Variants in CDKL5 observed in about 807,000 individuals in gnomAD.
CDKL5 encodes the protein cyclin-dependent kinase-like 5.
A neutral mutation model predicts 61.7 loss-of-function variants in CDKL5; 8 were observed. The ratio of observed to expected loss-of-function variants is 0.13; its 90% CI spans 0.08 to 0.23. The LOEUF is 0.23. Among genes scored for constraint, CDKL5 ranks in the 10% least tolerant of loss-of-function variants. The pLI, the probability that CDKL5 is intolerant of heterozygous loss-of-function variation, is 1.00. For synonymous variants in CDKL5, 275 were observed against 272.3 expected (o/e 1.01, Z -0.10); for missense variants, 440 against 734.5 (o/e 0.60, Z 4.63).
Position 18,631,703 on chromosome X carries a change from C to T in CDKL5, c.*2946C>T, listed in dbSNP as rs1927241093. ...TCACTGATCTCCTTTGGAAAAGAAA[C>T]TCTGCTTCACTGTTTTTCTACCTTT... On this transcript the variant is annotated 3_prime_UTR_variant, in exon 18 of 18. Transcript: ENST00000623535. 2 of 752,228 alleles carry T rather than the reference C, an allele frequency of 2.7e-6. No individual in the cohort carries two copies. Among genetic ancestry groups the T allele is most frequent in the African/African-American group, 4.6e-5 (2 of 43,365 alleles). The allele number at this position is 752,228 out of a possible 1,213,427, so 62.0% of individuals were successfully genotyped here.
intron 3 of CDKL5, among the ~76,000 whole-genome samples, chrX:18,562,667 C>CAATTA (rs1482851123): frequency 8.9e-6 from 1 of 111,854 alleles, no homozygotes; most frequent in Non-Finnish European, 1.9e-5. Flanking sequence ...AGTATCTTCT[C>CAATTA]TTAATTGCAT....
intron 1 of CDKL5, among the ~76,000 whole-genome samples, chrX:18,496,942 G>A (rs1241471366): frequency 9.1e-6 from 1 of 110,295 alleles, no homozygotes; most frequent in East Asian, 2.8e-4. Flanking sequence ...GTTTCTCTGG[G>A]GTGCCCTTGG....
intron 12 of CDKL5, among the ~76,000 whole-genome samples, chrX:18,606,462 C>T (rs1220273875): frequency 8.9e-6 from 1 of 112,217 alleles, no homozygotes; most frequent in African/African-American, 3.2e-5. Flanking sequence ...GGTTCCCTGT[C>T]GTCTTAAGTG....
chrX:18,522,545 A>G (rs1024352264), intron 3 of CDKL5, among the ~76,000 whole-genome samples: 1 of 107,736 alleles, frequency 9.3e-6, no homozygotes, highest in Admixed American at 1.0e-4. Flanking sequence ...GGGTTTTGCC[A>G]TGTTGGCCAG....
intron 17 of CDKL5, among the ~76,000 whole-genome samples, chrX:18,625,928 A>G (rs922968590): frequency 9.0e-6 from 1 of 111,387 alleles, no homozygotes; most frequent in Non-Finnish European, 1.9e-5. Flanking sequence ...TTGTTTTTTG[A>G]TATTGAGTAT....
intron 9 of CDKL5, among the ~76,000 whole-genome samples, chrX:18,594,881 C>A (rs1925939388): frequency 8.9e-6 from 1 of 112,373 alleles, no homozygotes; most frequent in Admixed American, 9.4e-5. Context: ...TCGTAGTAAT[C>A]CATATAAAAA....
At chrX:18,640,431 CCCA>C (rs1488065447), downstream of CDKL5, 3 of 50,945 alleles carry the variant, frequency 5.9e-5, no homozygotes, top group African/African-American at 2.8e-4. Context: ...GATAAGTCCC[CCCA>C]CCCCCCCCCC....
intron 1 of CDKL5, among the ~76,000 whole-genome samples, chrX:18,447,061 G>A (rs1931896238): frequency 9.0e-6 from 1 of 111,524 alleles, no homozygotes; most frequent in South Asian, 3.8e-4. Flanking sequence ...GGGAGGAGGG[G>A]TGAAGATTTT....
At chrX:18,644,288 G>T, downstream of CDKL5, 1 of 580,557 alleles carries the variant, frequency 1.7e-6, no homozygotes, top group Non-Finnish European at 3.0e-6. Context: ...AGAGAGCACA[G>T]CACATTGTGG....
chrX:18,510,928 G>T (rs768085119), intron 3 of CDKL5, 74 bp downstream of exon 3: 7 of 729,755 alleles, frequency 9.6e-6, no homozygotes, highest in Non-Finnish European at 1.5e-5. Flanking sequence ...TGGTCTTTGC[G>T]TGTGGGCATG....
chrX:18,573,348 CAG>C (rs1437774036), intron 4 of CDKL5, among the ~76,000 whole-genome samples: 1 of 111,909 alleles, frequency 8.9e-6, no homozygotes, highest in East Asian at 2.8e-4. Context: ...TTGAGTAACT[CAG>C]AGGGGATATT....
intron 1 of CDKL5, among the ~76,000 whole-genome samples, chrX:18,444,388 T>C (rs1931825417): frequency 8.9e-6 from 1 of 111,989 alleles, no homozygotes; most frequent in South Asian, 3.6e-4. Flanking sequence ...TGTTAACTTA[T>C]TGAGGGTTTC....
chrX:18,473,314 G>A (rs1302235980), intron 1 of CDKL5, among the ~76,000 whole-genome samples: 2 of 110,964 alleles, frequency 1.8e-5, no homozygotes, highest in African/African-American at 6.6e-5. Flanking sequence ...ATCCTGGAGA[G>A]TTACATGAAC....
intron 3 of CDKL5, among the ~76,000 whole-genome samples, chrX:18,527,404 TC>T (rs1342151223): frequency 8.0e-5 from 9 of 111,919 alleles, no homozygotes; most frequent in Non-Finnish European, 1.5e-4. Context: ...TAATTATTGA[TC>T]AATTTTCATA....
intron 9 of CDKL5, among the ~76,000 whole-genome samples, chrX:18,595,043 G>A (rs911932632): frequency 6.3e-5 from 7 of 111,639 alleles, no homozygotes; most frequent in Middle Eastern, 4.6e-3. Flanking sequence ...TTAGCCAGGC[G>A]TGGTGGCAGG....
At chrX:18,435,515 T>C (rs1369742055) in intron 1 of CDKL5, among the ~76,000 whole-genome samples, 1 of 111,599 alleles carries the variant, frequency 9.0e-6, no homozygotes, top group Non-Finnish European at 1.9e-5. Flanking sequence ...TGCCAGACTT[T>C]GCTGGAGACT....
chrX:18,488,070 G>A (rs1227977562), intron 1 of CDKL5, among the ~76,000 whole-genome samples: 2 of 111,867 alleles, frequency 1.8e-5, no homozygotes, highest in African/African-American at 6.5e-5. Flanking sequence ...TTATGGAACA[G>A]TAGAGGAAAT....
At position 18,647,283 on chromosome X, in the gene CDKL5, C is replaced by T. The variant is rs183092299; in HGVS notation, c.2797+1193C>T. ...CCGGGTTAGAGCAGGTGATCTGGTC[C>T]GGTGTGACCTCCCCTGACTCGAAAC... On this transcript the variant is annotated intron_variant, in intron 20 of 21. Transcript: ENST00000379989. 6.5e-5 allele frequency: 78 copies of T among 1,208,490 alleles called. No individual in the cohort carries two copies. Among genetic ancestry groups the T allele is most frequent in the East Asian group, 4.1e-4 (14 of 33,751 alleles).
chrX:18,618,652 C>T (rs978466374), intron 15 of CDKL5, among the ~76,000 whole-genome samples: 8 of 112,499 alleles, frequency 7.1e-5, no homozygotes, highest in African/African-American at 2.6e-4. Context: ...GAATGTTTTT[C>T]GCAACAATAC....
Sources: gnomAD v4.1 joint callset for allele counts (sites outside exome capture counted in the v4.1 genomes callset) on GRCh38, gnomAD v4.1.1 for gene constraint, MANE v1.5 for transcripts, NCBI Gene and HGNC (gene_info 2026-07-23, HGNC 2026-07-21) for gene names.